GRIK5: variants seen among roughly 807,000 people sequenced by gnomAD.
GRIK5 encodes glutamate receptor ionotropic, kainate 5.
GRIK5 carries 43 observed loss-of-function variants against 97.4 expected under a neutral mutation model. That is an observed-to-expected ratio of 0.44 (90% CI 0.35 to 0.57). GRIK5 has a LOEUF of 0.57. Ranked by LOEUF, GRIK5 falls within the 20% of genes least tolerant of loss-of-function variation. GRIK5 has a pLI of 0.01. For synonymous variants in GRIK5, 580 were observed against 583.5 expected (o/e 0.99, Z 0.09); for missense variants, 1,015 against 1,382.0 (o/e 0.73, Z 4.21).
chr19:42,065,387 G>A lies in GRIK5; in HGVS notation c.80C>T (p.Ala27Val). 6.3e-7 allele frequency: 1 copy of A among 1,580,142 alleles called. No homozygotes were observed. Residue 27 changes from alanine to valine, a missense_variant and splice_region_variant, in exon 3 of 20, where the codon GCT (alanine) becomes GTT (valine). By Grantham distance (64) the Ala-to-Val change is moderately conservative. Coordinates refer to ENST00000593562, the MANE Select transcript of GRIK5 (RefSeq NM_002088.5). This position sits in a 1 kb window ranked among gnomAD's most constrained non-coding sequence, Gnocchi z 5.8. ...CACTGTCTGATCATCCAGGATTGCA[G>A]CTGAGGGGACACATGGGTTGGGGAC... Reference protein sequence around the residue: ...SCQVLSSLRMAAILDDQTVCG... With the variant: ...SCQVLSSLRMVAILDDQTVCG...
At chr19:42,051,746 G>T (rs546390809) in intron 11 of GRIK5, among the ~76,000 whole-genome samples, 2 of 152,172 alleles carry the variant, frequency 1.3e-5, no homozygotes, top group East Asian at 3.9e-4. Context: ...CAATACCAGC[G>T]AATGAACAGG....
intron 1 of GRIK5, among the ~76,000 whole-genome samples, chr19:42,067,630 C>T (rs888569478): frequency 4.0e-5 from 6 of 151,884 alleles, no homozygotes; most frequent in Non-Finnish European, 7.4e-5. Context: ...ACAGAAAGAC[C>T]GAGGGAGAGA....
At chr19:42,047,972 C>CA (rs552963887) in intron 11 of GRIK5, among the ~76,000 whole-genome samples, 8,969 of 53,920 alleles carry the variant, frequency 0.17, 594 homozygotes, top group Middle Eastern at 0.26. Flanking sequence ...GACTCTGTCT[C>CA]AAAAAAAAAA....
intron 1 of GRIK5, chr19:42,068,693 G>C (rs1393447329): frequency 4.5e-6 from 2 of 446,662 alleles, no homozygotes; most frequent in African/African-American, 4.1e-5. Context: ...CTGACAGAGA[G>C]AGGGATCTAA....
At chr19:42,061,054 A>T (rs527892402) in intron 5 of GRIK5, among the ~76,000 whole-genome samples, 3 of 152,144 alleles carry the variant, frequency 2.0e-5, no homozygotes, top group East Asian at 1.9e-4. Context: ...TTATTTATTT[A>T]TTTATTTTTT....
chr19:42,059,914 C>T (rs1340163635), intron 5 of GRIK5, among the ~76,000 whole-genome samples: 1 of 152,098 alleles, frequency 6.6e-6, no homozygotes, highest in Admixed American at 6.5e-5. Context: ...CCCAATCCAT[C>T]AAGGCCCTCC....
At chr19:42,055,632 TG>T (rs1199394640) in intron 8 of GRIK5, among the ~76,000 whole-genome samples, 1 of 151,956 alleles carries the variant, frequency 6.6e-6, no homozygotes, top group East Asian at 1.9e-4. Flanking sequence ...CAAATATAAG[TG>T]CTATGGAAAA....
chr19:42,041,122 G>A (rs1194063022), intron 12 of GRIK5, among the ~76,000 whole-genome samples: 1 of 152,216 alleles, frequency 6.6e-6, no homozygotes. Context: ...GAAAGTCAGT[G>A]CCCTAAGGGA....
At chr19:42,069,044 C>T in intron 1 of GRIK5, 197 bp downstream of exon 1, 1 of 485,740 alleles carries the variant, frequency 2.1e-6, no homozygotes, top group Non-Finnish European at 3.7e-6. Context: ...GAGCTATGTA[C>T]CCAGAAGAAG....
chr19:41,999,117 C>G lies in GRIK5; in HGVS notation c.2697G>C (p.Ala899=). Residue 899 remains alanine (A), a synonymous_variant, in exon 20 of 20, where the codon GCG becomes GCC. Coordinates refer to ENST00000593562, the MANE Select transcript of GRIK5 (RefSeq NM_002088.5). This position sits in a 1 kb window ranked among gnomAD's most constrained non-coding sequence, Gnocchi z 5.0. ...GCTGCGGGCCCCCGTGCGCGCTGCC[C>G]GCATCCCCGCCCGCGCCGGCCGAGT... ...KLYSAGAGGD[A]GSAHGGPQRL... The G allele has an allele frequency of 7.1e-7, 1 of 1,411,858 alleles. No homozygotes were observed. Among genetic ancestry groups the G allele is most frequent in the Non-Finnish European group, 9.2e-7 (1 of 1,089,098 alleles). 87.5% of individuals were successfully genotyped at this position (1,411,858 alleles called of 1,614,324 possible). A position where few individuals can be genotyped will look rare whatever the true frequency, so the allele number is the denominator to read the frequency against.
At chr19:42,041,101 A>G (rs959068156) in intron 12 of GRIK5, among the ~76,000 whole-genome samples, 1 of 152,162 alleles carries the variant, frequency 6.6e-6, no homozygotes, top group Non-Finnish European at 1.5e-5. Context: ...AGTTCTGTCA[A>G]AATAACTTTT....
chr19:42,012,223 T>C (rs2146029854), intron 15 of GRIK5, among the ~76,000 whole-genome samples: 1 of 151,562 alleles, frequency 6.6e-6, no homozygotes, highest in South Asian at 2.1e-4. Flanking sequence ...TATACATGTA[T>C]GTGTATGTAT....
intron 11 of GRIK5, among the ~76,000 whole-genome samples, chr19:42,045,172 G>A (rs1014086605): frequency 2.0e-5 from 3 of 152,156 alleles, no homozygotes; most frequent in Middle Eastern, 3.2e-3. Flanking sequence ...CCACAATATT[G>A]TGCTGCTTCT....
chr19:42,020,013 C>T (rs1265294031), intron 15 of GRIK5, among the ~76,000 whole-genome samples: 2 of 145,154 alleles, frequency 1.4e-5, no homozygotes, highest in Non-Finnish European at 3.0e-5. Flanking sequence ...TCATTTGAGA[C>T]AGTCTCACTC....
At position 42,056,928 on chromosome 19, in the gene GRIK5, G is replaced by C. The variant is rs758332950; in HGVS notation, c.738C>G (p.Thr246=). 3.8e-6 allele frequency: 6 copies of C among 1,586,912 alleles called. No individual in the cohort carries two copies. Among genetic ancestry groups the C allele is most frequent in the Non-Finnish European group, 4.3e-6 (5 of 1,166,262 alleles). ...ATGGGCCAGAGGGCATACACACCAT[G>C]GTGGTGAGGATGTACTTGTAAAACG... The part of the protein sequence containing the change: ...TSAFYKYILT[T]MDFPILHLDG... The change falls in exon 7 of 20, where the codon ACC becomes ACG. Residue 246 remains threonine, a synonymous_variant. Transcript: ENST00000593562.
intron 12 of GRIK5, among the ~76,000 whole-genome samples, chr19:42,039,324 T>C (rs1181745191): frequency 6.6e-6 from 1 of 152,040 alleles, no homozygotes; most frequent in Admixed American, 6.6e-5. Flanking sequence ...AATACAAAAA[T>C]TAGCCAGGTG....
chr19:42,068,778 G>A (rs2076378610), intron 1 of GRIK5: 1 of 560,124 alleles, frequency 1.8e-6, no homozygotes, highest in Non-Finnish European at 3.2e-6. Context: ...GGGCCCAAGA[G>A]ACACAGGAAA....
intron 15 of GRIK5, among the ~76,000 whole-genome samples, chr19:42,011,552 CAAA>C (rs58029855): frequency 4.6e-5 from 3 of 65,116 alleles, no homozygotes. Context: ...GACTCCGTCT[CAAA>C]AAAAAAAAAA....
rs778358775 is a variant in GRIK5 at position 42,065,156 on chromosome 19, G to A, written c.244+67C>T. On this transcript the variant is annotated intron_variant, in intron 3 of 19. Coordinates refer to ENST00000593562, the MANE Select transcript of GRIK5 (RefSeq NM_002088.5). This position sits in a 1 kb window ranked among gnomAD's most constrained non-coding sequence, Gnocchi z 5.8. ...GACAAGGCCAGGCCAGAGGCCAGGGGCAGAGGGATGGACTGAGGGCCACCG... is the reference window on the plus strand; with the variant it reads ...GACAAGGCCAGGCCAGAGGCCAGGGACAGAGGGATGGACTGAGGGCCACCG... 35 of 1,405,692 alleles carry A rather than the reference G, an allele frequency of 2.5e-5. No individual in the cohort carries two copies. Among genetic ancestry groups the A allele is most frequent in the South Asian group, 1.3e-4 (10 of 79,498 alleles). The allele number at this position is 1,405,692 out of a possible 1,614,324, so 87.1% of individuals were successfully genotyped here. A position where few individuals can be genotyped will look rare whatever the true frequency, so the allele number is the denominator to read the frequency against.
Sources: allele counts gnomAD v4.1 joint callset (sites outside exome capture counted in the v4.1 genomes callset), GRCh38; gene constraint gnomAD v4.1.1; non-coding constraint Gnocchi (gnomAD v3.1); transcripts MANE v1.5; gene names NCBI Gene and HGNC (gene_info 2026-07-23, HGNC 2026-07-21).